Variants in PRICKLE1 observed in about 807,000 individuals in gnomAD.
The protein encoded by PRICKLE1 is prickle-like protein 1.
PRICKLE1 carries 14 observed loss-of-function variants against 70.2 expected under a neutral mutation model. That is an observed-to-expected ratio of 0.20 (90% CI 0.13 to 0.31). The LOEUF is 0.31. Among genes scored for constraint, PRICKLE1 ranks in the 10% least tolerant of loss-of-function variants. The pLI is 1.00. For missense variants in PRICKLE1, 821 were observed against 1,026.2 expected (o/e 0.80, Z 2.73); for synonymous variants, 357 against 379.9 (o/e 0.94, Z 0.70).
At chr12:42,572,395 C>A (rs538316184) in intron 1 of PRICKLE1, among the ~76,000 whole-genome samples, 274 of 151,714 alleles carry the variant, frequency 1.8e-3, no homozygotes, top group African/African-American at 6.2e-3. Context: ...GAGATTGTGC[C>A]ATTGCACTCC....
intron 1 of PRICKLE1, among the ~76,000 whole-genome samples, chr12:42,564,055 G>GA (rs923636176): frequency 6.6e-6 from 1 of 151,452 alleles, no homozygotes; most frequent in African/African-American, 2.4e-5. Context: ...TCAAGAGATT[G>GA]AGAACATCCT....
chr12:42,466,378 T>G lies in PRICKLE1; in HGVS notation c.591A>C (p.Ile197=). The change falls in exon 6 of 8, where the codon ATA becomes ATC. Residue 197 remains isoleucine, a splice_region_variant and synonymous_variant. Transcript: ENST00000345127. ...CTTCTGTGCACTCATCAGCAAAAAT[T>G]ATCTTCAAAAAGAAATGTGAAACCA... The part of the protein sequence containing the change: ...LKPRCSACDE[I]IFADECTEAE... 1 of 1,614,014 alleles carries G rather than the reference T, an allele frequency of 6.2e-7. No homozygotes were observed.
intron 1 of PRICKLE1, among the ~76,000 whole-genome samples, chr12:42,496,450 TAA>T (rs1210165870): frequency 3.3e-5 from 5 of 152,136 alleles, no homozygotes; most frequent in Non-Finnish European, 7.4e-5. Flanking sequence ...GGCTTTAACT[TAA>T]AGTCACCAGC....
intron 1 of PRICKLE1, among the ~76,000 whole-genome samples, chr12:42,582,502 A>G (rs1464039650): frequency 6.6e-6 from 1 of 152,272 alleles, no homozygotes; most frequent in Non-Finnish European, 1.5e-5. Flanking sequence ...TGTAACATGC[A>G]TATACTTCAA....
intron 1 of PRICKLE1, among the ~76,000 whole-genome samples, chr12:42,522,915 C>T (rs1939735486): frequency 6.6e-6 from 1 of 151,978 alleles, no homozygotes; most frequent in Non-Finnish European, 1.5e-5. Context: ...ATAAAGACTA[C>T]CCATGTCCCA....
At chr12:42,522,017 C>T (rs1939719006) in intron 1 of PRICKLE1, among the ~76,000 whole-genome samples, 1 of 149,732 alleles carries the variant, frequency 6.7e-6, no homozygotes, top group Admixed American at 6.7e-5. Context: ...CTCTTGTTGC[C>T]CAGGCTAGAG....
intron 1 of PRICKLE1, among the ~76,000 whole-genome samples, chr12:42,579,365 A>G (rs952145539): frequency 6.6e-6 from 1 of 152,214 alleles, no homozygotes; most frequent in East Asian, 1.9e-4. Context: ...GTCCAGTACA[A>G]ACAAGGAGAT....
chr12:42,524,445 A>G (rs1013336056), intron 1 of PRICKLE1, among the ~76,000 whole-genome samples: 6 of 152,030 alleles, frequency 3.9e-5, no homozygotes, highest in African/African-American at 7.2e-5. Flanking sequence ...ATGAAGTCTC[A>G]CTCTGTCACC....
chr12:42,547,138 A>G (rs1940229080), intron 1 of PRICKLE1, among the ~76,000 whole-genome samples: 1 of 152,168 alleles, frequency 6.6e-6, no homozygotes, highest in Admixed American at 6.5e-5. Context: ...CTGAAAAGTT[A>G]TTTCCCTGAT....
chr12:42,527,523 G>T (rs1466301077), intron 1 of PRICKLE1, among the ~76,000 whole-genome samples: 3 of 152,148 alleles, frequency 2.0e-5, no homozygotes, highest in African/African-American at 4.8e-5. Context: ...CACTTAGCAG[G>T]CAATGAGATG....
intron 1 of PRICKLE1, among the ~76,000 whole-genome samples, chr12:42,541,891 A>G (rs536737890): frequency 6.6e-6 from 1 of 152,294 alleles, no homozygotes; most frequent in East Asian, 1.9e-4. Flanking sequence ...AAGGGGATCC[A>G]TGCTCCCCTC....
chr12:42,540,544 T>G (rs926137407), intron 1 of PRICKLE1, among the ~76,000 whole-genome samples: 9 of 152,090 alleles, frequency 5.9e-5, no homozygotes, highest in African/African-American at 1.9e-4. Flanking sequence ...TATCATAGCT[T>G]GGTGGTCATG....
At chr12:42,543,393 T>A (rs1394571517) in intron 1 of PRICKLE1, among the ~76,000 whole-genome samples, 1 of 150,352 alleles carries the variant, frequency 6.7e-6, no homozygotes, top group Non-Finnish European at 1.5e-5. Flanking sequence ...AGATGGGGTC[T>A]CACTATGTTG....
In PRICKLE1 at chr12:42,543,816, C is replaced by T. The variant is rs562524795; in HGVS notation, c.-49+45649G>A. On this transcript the variant is annotated intron_variant, in intron 1 of 7. Transcript: ENST00000345127. ...GATTACAGGCGTGAGCCACCGCACC[C>T]GGCCAACTCCTCAAAATTTAAATAA... is the stretch of plus-strand genomic sequence containing the variant. 7.2e-5 allele frequency among the ~76,000 whole-genome samples: 11 copies of T among 152,196 alleles called. 1 individual carries two copies. Among genetic ancestry groups the T allele is most frequent in the Middle Eastern group, 3.4e-3 (1 of 294 alleles).
intron 1 of PRICKLE1, among the ~76,000 whole-genome samples, chr12:42,500,665 T>C (rs1049078271): frequency 3.4e-5 from 3 of 87,454 alleles, no homozygotes; most frequent in Non-Finnish European, 6.6e-5. Flanking sequence ...ATTAATTTTC[T>C]TTTTTTTTTT....
intron 1 of PRICKLE1, among the ~76,000 whole-genome samples, chr12:42,521,929 G>GGTGTGTGTGTGTGT (rs72169209): frequency 4.3e-5 from 6 of 139,876 alleles, no homozygotes; most frequent in African/African-American, 1.4e-4. Flanking sequence ...GTTTGTTTTT[G>GGTGTGTGTGTGTGT]GTGTGTGTGT....
chr12:42,580,939 GGA>G (rs917058057), intron 1 of PRICKLE1, among the ~76,000 whole-genome samples: 3 of 152,058 alleles, frequency 2.0e-5, no homozygotes, highest in African/African-American at 7.2e-5. Context: ...AGGCAGAAAG[GGA>G]GAGAGAGAGT....
intron 1 of PRICKLE1, among the ~76,000 whole-genome samples, chr12:42,578,492 G>C (rs1031217628): frequency 2.0e-5 from 3 of 152,118 alleles, no homozygotes; most frequent in Non-Finnish European, 4.4e-5. Flanking sequence ...CCCTTTGCTA[G>C]ATGATTACAT....
In PRICKLE1 at chr12:42,484,936, G is replaced by T. The variant is rs546358940; in HGVS notation, c.-48-12372C>A. On this transcript the variant is annotated intron_variant, in intron 1 of 7. Transcript: ENST00000345127. ...GTGATAGAAATACCAAGAGAATGAA[G>T]GGGAAAATGCAATATTTAAGAGCTT... 5.3e-5 allele frequency among the ~76,000 whole-genome samples: 8 copies of T among 151,474 alleles called. No individual in the cohort carries two copies. The South Asian group carries it at 1.0e-3, about 20-fold the overall frequency.
Sources: gnomAD v4.1 joint callset for allele counts (sites outside exome capture counted in the v4.1 genomes callset) on GRCh38, gnomAD v4.1.1 for gene constraint, MANE v1.5 for transcripts, NCBI Gene and HGNC (gene_info 2026-07-23, HGNC 2026-07-21) for gene names.